CEP70: variants seen among roughly 807,000 people sequenced by gnomAD.
CEP70 encodes the protein centrosomal protein 70.
CEP70 carries 70 observed loss-of-function variants against 90.9 expected under a neutral mutation model. That is an observed-to-expected ratio of 0.77 (90% CI 0.64 to 0.94). CEP70 has a LOEUF of 0.94. Among genes scored for constraint, CEP70 ranks in the 40% least tolerant of loss-of-function variants. The pLI is 0.00. For synonymous variants in CEP70, 220 were observed against 228.3 expected (o/e 0.96, Z 0.33); for missense variants, 648 against 669.0 (o/e 0.97, Z 0.35).
At chr3:138,591,320 T>C (rs531751832) in intron 2 of CEP70, among the ~76,000 whole-genome samples, 1 of 152,276 alleles carries the variant, frequency 6.6e-6, no homozygotes, top group African/African-American at 2.4e-5. Context: ...TGTTTAGAGT[T>C]ACCCAACTCT....
chr3:138,566,362 A>G (rs1244820355), intron 6 of CEP70, among the ~76,000 whole-genome samples: 1 of 152,216 alleles, frequency 6.6e-6, no homozygotes, highest in Non-Finnish European at 1.5e-5. Context: ...TAATTCTACT[A>G]TAAAGACACA....
At chr3:138,588,717 C>CA (rs773183587) in intron 2 of CEP70, among the ~76,000 whole-genome samples, 17 of 152,218 alleles carry the variant, frequency 1.1e-4, no homozygotes, top group Non-Finnish European at 2.2e-4. Context: ...AAGACCCAGT[C>CA]ATGCCATTCC....
At chr3:138,506,105 A>C (rs2034963329) in intron 12 of CEP70, among the ~76,000 whole-genome samples, 1 of 152,218 alleles carries the variant, frequency 6.6e-6, no homozygotes, top group Admixed American at 6.5e-5. Flanking sequence ...CTTCACCCTC[A>C]AATAATAAAG....
chr3:138,515,626 C>G (rs2108756198), intron 11 of CEP70, among the ~76,000 whole-genome samples: 1 of 152,240 alleles, frequency 6.6e-6, no homozygotes, highest in South Asian at 2.1e-4. Context: ...TGTACATGTC[C>G]ATGAATGACT....
At chr3:138,519,887 C>A (rs538117175) in intron 11 of CEP70, among the ~76,000 whole-genome samples, 2 of 152,186 alleles carry the variant, frequency 1.3e-5, no homozygotes, top group Admixed American at 6.5e-5. Flanking sequence ...CACAGACTGG[C>A]AAATTGGATA....
In CEP70 at chr3:138,518,678, C is replaced by G. The variant is rs577693615; in HGVS notation, c.944+6812G>C. 7.9e-5 allele frequency among the ~76,000 whole-genome samples: 12 copies of G among 152,286 alleles called. No individual in the cohort carries two copies. The South Asian group carries it at 2.5e-3, about 32-fold the overall frequency. ...AAGGACATCCACACCAAAACCCCAT[C>G]TGTACATCATCATCATCAAAGACAA... On this transcript the variant is annotated intron_variant, in intron 11 of 17. Coordinates refer to ENST00000264982, the MANE Select transcript of CEP70 (RefSeq NM_024491.4).
intron 1 of CEP70, among the ~76,000 whole-genome samples, chr3:138,592,758 G>A (rs908201375): frequency 1.3e-5 from 2 of 152,016 alleles, no homozygotes; most frequent in Non-Finnish European, 2.9e-5. Context: ...CACCATTTGG[G>A]GTGGGGGAGG....
chr3:138,574,017 G>A (rs1038841843), intron 2 of CEP70, among the ~76,000 whole-genome samples: 1 of 152,096 alleles, frequency 6.6e-6, no homozygotes, highest in Admixed American at 6.6e-5. Flanking sequence ...GCAGCTCCCA[G>A]TGTGACTGAT....
At chr3:138,551,383 C>G (rs967297996) in intron 6 of CEP70, among the ~76,000 whole-genome samples, 5 of 152,134 alleles carry the variant, frequency 3.3e-5, no homozygotes, top group Non-Finnish European at 7.4e-5. Context: ...TAAACAAATC[C>G]TGAAAACACA....
intron 6 of CEP70, among the ~76,000 whole-genome samples, chr3:138,557,534 C>G (rs1360973569): frequency 6.6e-6 from 1 of 152,194 alleles, no homozygotes; most frequent in African/African-American, 2.4e-5. Context: ...ATTTGGGGAA[C>G]TAATAAATGT....
rs189371334 is a variant in CEP70, at chr3:138,502,451, T to C, written c.1222-1570A>G. 2.9e-3 allele frequency among the ~76,000 whole-genome samples: 437 copies of C among 152,210 alleles called. 4 individuals are homozygous for C. Among genetic ancestry groups the C allele is most frequent in the African/African-American group, 0.01 (421 of 41,548 alleles). On this transcript the variant is annotated intron_variant, in intron 13 of 17. Coordinates refer to ENST00000264982, the MANE Select transcript of CEP70 (RefSeq NM_024491.4). The stretch of plus-strand genomic sequence containing the variant: ...CATATTGGTATCTTTAACCTTTCAA[T>C]TGGTAGGAAGGCAGTTACTATTTTA...
intron 6 of CEP70, among the ~76,000 whole-genome samples, chr3:138,548,983 C>T (rs976160148): frequency 2.6e-5 from 4 of 152,104 alleles, no homozygotes; most frequent in African/African-American, 7.2e-5. Flanking sequence ...TTTGACTTTA[C>T]CTGGAGCTGA....
intron 6 of CEP70, among the ~76,000 whole-genome samples, chr3:138,538,374 C>A (rs1009691616): frequency 6.6e-6 from 1 of 152,078 alleles, no homozygotes; most frequent in African/African-American, 2.4e-5. Flanking sequence ...CTGGGGTATC[C>A]CATTTGGGAT....
chr3:138,553,374 G>A (rs1183509957), intron 6 of CEP70, among the ~76,000 whole-genome samples: 1 of 152,044 alleles, frequency 6.6e-6, no homozygotes, highest in East Asian at 1.9e-4. Context: ...CAGCTACTTG[G>A]GAGGCTGAGG....
chr3:138,570,439 A>C lies in CEP70; in HGVS notation c.344T>G (p.Leu115Trp). Residue 115 changes from leucine to tryptophan, a missense_variant, in exon 6 of 18, where the codon TTG becomes TGG. Physicochemically the swap from Leu to Trp is moderately conservative, Grantham distance 61. Transcript: ENST00000264982. ...TTTCACACTTTCCATAATTTGTTCC[A>C]AGTCATTAGCTCGTTGTTCTTGATT... ...AANQEQRAND[L>W]EQIMESVKSK... 1.2e-6 allele frequency: 2 copies of C among 1,610,476 alleles called. No homozygotes were observed. Among genetic ancestry groups the C allele is most frequent in the Non-Finnish European group, 1.7e-6 (2 of 1,178,876 alleles).
rs200454602 is a variant in CEP70 at position 138,571,174 on chromosome 3, T to A, written c.161-17A>T. The A allele has an allele frequency of 4.5e-6, 7 of 1,563,098 alleles. No homozygotes were observed. The highest frequency in any genetic ancestry group is 1.8e-4 in the Middle Eastern group (1 of 5,572). The stretch of plus-strand genomic sequence containing the variant: ...TGATGAGATCTACATTTAAAAAGTA[T>A]ATAATACAGATAGTAAAAATAAAAG... On this transcript the variant is annotated splice_polypyrimidine_tract_variant and intron_variant, in intron 4 of 17. Transcript: ENST00000264982.
chr3:138,529,198 C>G lies in CEP70; in HGVS notation c.869+1G>C. 6.3e-7 allele frequency: 1 copy of G among 1,576,690 alleles called. No individual in the cohort carries two copies. The highest frequency in any genetic ancestry group is 1.8e-4 in the Middle Eastern group (1 of 5,702). ...AAAAAAAAAAATTAAGTTTCTCTCA[C>G]CTGGTTTCCAAATCTTTTTGGAGGT... On this transcript the variant is annotated splice_donor_variant, in intron 10 of 17. Coordinates refer to ENST00000264982, the MANE Select transcript of CEP70 (RefSeq NM_024491.4). LOFTEE classifies it high-confidence loss of function.
At chr3:138,561,851 C>T (rs1178585433) in intron 6 of CEP70, among the ~76,000 whole-genome samples, 1 of 151,486 alleles carries the variant, frequency 6.6e-6, no homozygotes, top group Non-Finnish European at 1.5e-5. Context: ...AGTGAAACCC[C>T]GTCTGTACTA....
chr3:138,528,592 G>A (rs1487573127), intron 10 of CEP70, among the ~76,000 whole-genome samples: 1 of 152,164 alleles, frequency 6.6e-6, no homozygotes, highest in Non-Finnish European at 1.5e-5. Context: ...GGATGCAGTG[G>A]CTCATGCCTG....
Sources: gnomAD v4.1 joint callset for allele counts (sites outside exome capture counted in the v4.1 genomes callset) on GRCh38, gnomAD v4.1.1 for gene constraint, MANE v1.5 for transcripts, NCBI Gene and HGNC (gene_info 2026-07-23, HGNC 2026-07-21) for gene names.